The following KCNMA1 variants were observed in gnomAD, a reference collection of about 807,000 sequenced individuals.
KCNMA1 encodes potassium calcium-activated channel subfamily M alpha 1.
A neutral mutation model predicts 140.0 loss-of-function variants in KCNMA1; 29 were observed. The ratio of observed to expected loss-of-function variants is 0.21; its 90% CI spans 0.15 to 0.28. KCNMA1 has a LOEUF of 0.28. KCNMA1 is among the 10% of genes least tolerant of loss of function. The pLI is 1.00. For missense variants in KCNMA1, 880 were observed against 1,602.2 expected (o/e 0.55, Z 7.70); for synonymous variants, 612 against 611.9 (o/e 1.00, Z 0.00).
At chr10:77,454,206 A>G (rs558461508) in intron 1 of KCNMA1, among the ~76,000 whole-genome samples, 1 of 152,306 alleles carries the variant, frequency 6.6e-6, no homozygotes, top group African/African-American at 2.4e-5. Context: ...TAATGAAAAA[A>G]TAGTCCATCA....
intron 2 of KCNMA1, among the ~76,000 whole-genome samples, chr10:77,352,647 TG>T: frequency 1.4e-5 from 2 of 147,012 alleles, no homozygotes; most frequent in Non-Finnish European, 3.1e-5. Context: ...TGTGTGTGTG[TG>T]TTTGTGTGTG....
chr10:77,504,114 A>ATCT (rs1485882622), intron 1 of KCNMA1, among the ~76,000 whole-genome samples: 1 of 152,180 alleles, frequency 6.6e-6, no homozygotes, highest in Admixed American at 6.5e-5. Context: ...TTTCTTGGTT[A>ATCT]TCTGCCTGCC....
chr10:77,470,628 G>T (rs2098129441), intron 1 of KCNMA1, among the ~76,000 whole-genome samples: 1 of 152,208 alleles, frequency 6.6e-6, no homozygotes, highest in Non-Finnish European at 1.5e-5. Context: ...TCAGACAGAA[G>T]AGCAGAAAGA....
downstream of KCNMA1, chr10:76,874,438 A>G (rs575581437): frequency 1.2e-4 from 18 of 152,308 alleles, no homozygotes; most frequent in African/African-American, 4.3e-4. Context: ...CATCTAGATG[A>G]ATCACTCTCA....
intron 2 of KCNMA1, among the ~76,000 whole-genome samples, chr10:77,338,501 C>A (rs930220347): frequency 6.6e-6 from 1 of 152,198 alleles, no homozygotes; most frequent in Non-Finnish European, 1.5e-5. Context: ...TAAGCCTCTG[C>A]TCCTGCTCTT....
At chr10:77,438,296 A>G (rs2097305709) in intron 1 of KCNMA1, among the ~76,000 whole-genome samples, 3 of 152,274 alleles carry the variant, frequency 2.0e-5, no homozygotes, top group African/African-American at 7.2e-5. Context: ...TACCAAGCAC[A>G]GTGCCTGAAT....
intron 23 of KCNMA1, among the ~76,000 whole-genome samples, chr10:76,936,395 A>T (rs1238092568): frequency 6.6e-6 from 1 of 152,246 alleles, no homozygotes; most frequent in Non-Finnish European, 1.5e-5. Context: ...AGGCTACTCC[A>T]GTGTGGTATT....
chr10:77,112,276 T>C (rs891256462), intron 7 of KCNMA1, 91 bp downstream of exon 7: 1 of 938,480 alleles, frequency 1.1e-6, no homozygotes, highest in African/African-American at 1.6e-5. Flanking sequence ...TGAAGTTAAT[T>C]TCCAGCAAGA....
intron 1 of KCNMA1, among the ~76,000 whole-genome samples, chr10:77,535,564 A>C (rs778237956): frequency 1.3e-5 from 2 of 152,208 alleles, no homozygotes; most frequent in Non-Finnish European, 2.9e-5. Context: ...AAAGAAAAGC[A>C]ATCACACAGA....
Position 77,371,712 on chromosome 10 carries a change from T to C in KCNMA1, c.540+32150A>G, listed in dbSNP as rs1052979469. ...TGAGTTTTCCACCCCTGTTATGATA[T>C]GCACTTCCAGTTCTCCAGCTGGACA... On this transcript the variant is annotated intron_variant, in intron 2 of 27. Transcript: ENST00000286628. 3.3e-5 allele frequency among the ~76,000 whole-genome samples: 5 copies of C among 152,166 alleles called. 1 individual carries two copies. Among genetic ancestry groups the C allele is most frequent in the Non-Finnish European group, 7.3e-5 (5 of 68,040 alleles).
intron 3 of KCNMA1, among the ~76,000 whole-genome samples, chr10:77,233,410 C>G (rs1331903067): frequency 6.6e-6 from 1 of 152,124 alleles, no homozygotes; most frequent in Non-Finnish European, 1.5e-5. Context: ...AAAATTACAT[C>G]TTTATTTTTA....
At chr10:76,890,613 C>T (rs1462097088) in intron 26 of KCNMA1, among the ~76,000 whole-genome samples, 2 of 152,188 alleles carry the variant, frequency 1.3e-5, no homozygotes, top group Non-Finnish European at 2.9e-5. Flanking sequence ...CAGAGACAGA[C>T]CCTTTCCTTG....
intron 14 of KCNMA1, among the ~76,000 whole-genome samples, chr10:77,063,229 A>C (rs1037105340): frequency 6.6e-6 from 1 of 152,144 alleles, no homozygotes; most frequent in Non-Finnish European, 1.5e-5. Flanking sequence ...CCTGGGCAAC[A>C]TGGTGAAACC....
intron 2 of KCNMA1, among the ~76,000 whole-genome samples, chr10:77,398,245 A>G (rs1374967869): frequency 2.6e-5 from 4 of 152,144 alleles, no homozygotes; most frequent in African/African-American, 9.7e-5. Flanking sequence ...TGCTGGATCA[A>G]ATGGAAGTTC....
chr10:77,627,904 G>A (rs548742189), intron 1 of KCNMA1, among the ~76,000 whole-genome samples: 14 of 152,310 alleles, frequency 9.2e-5, no homozygotes, highest in Non-Finnish European at 1.9e-4. Flanking sequence ...CCACCACTGT[G>A]AATTTATAGT....
At chr10:77,273,149 C>T (rs1168752454) in intron 2 of KCNMA1, among the ~76,000 whole-genome samples, 1 of 152,184 alleles carries the variant, frequency 6.6e-6, no homozygotes, top group Non-Finnish European at 1.5e-5. Flanking sequence ...GTCCTCAAAA[C>T]CTATTGTGAA....
At chr10:76,916,962 C>CT (rs1265310011) in intron 23 of KCNMA1, among the ~76,000 whole-genome samples, 2 of 152,182 alleles carry the variant, frequency 1.3e-5, no homozygotes, top group East Asian at 3.9e-4. Context: ...TAAATTGATT[C>CT]TTTACATTAA....
intron 1 of KCNMA1, among the ~76,000 whole-genome samples, chr10:77,523,040 C>T (rs4979889): frequency 0.23 from 34,616 of 151,934 alleles, 6,252 homozygotes; most frequent in East Asian, 0.52. Context: ...ACCCTCCATG[C>T]CACAGGTGGG....
chr10:77,514,203 A>G (rs1866594), intron 1 of KCNMA1, among the ~76,000 whole-genome samples: 53,789 of 152,152 alleles, frequency 0.35, 10,853 homozygotes, highest in East Asian at 0.6. Flanking sequence ...AGTGCCGCCC[A>G]ACAGACTCCT....
Sources: allele counts gnomAD v4.1 joint callset (sites outside exome capture counted in the v4.1 genomes callset), GRCh38; gene constraint gnomAD v4.1.1; transcripts MANE v1.5; gene names NCBI Gene and HGNC (gene_info 2026-07-23, HGNC 2026-07-21).